Variants in MBD5 observed in about 807,000 individuals in gnomAD.
The protein encoded by MBD5 is methyl-CpG-binding domain protein 5.
Under a neutral mutation model 117.3 loss-of-function variants are expected in MBD5, and 13 were observed. That is an observed-to-expected ratio of 0.11 (90% confidence interval 0.07 to 0.18). The LOEUF (loss-of-function observed/expected upper bound fraction) is 0.18. Among genes scored for constraint, MBD5 ranks in the 10% least tolerant of loss-of-function variants. The pLI, the probability that MBD5 is intolerant of heterozygous loss-of-function variation, is 1.00. For synonymous variants in MBD5, 727 were observed against 766.4 expected, an observed-to-expected ratio of 0.95 and a Z score of 0.85; for missense variants, 1,879 against 2,093.8, an observed-to-expected ratio of 0.90 and a Z score of 2.00.
intron 4 of MBD5, among the ~76,000 whole-genome samples, chr2:148,359,197 G>A (rs1455923550): frequency 2.0e-5 from 3 of 151,296 alleles, no homozygotes; most frequent in Non-Finnish European, 4.4e-5. Flanking sequence ...AACTTGGGAG[G>A]AGGAGGTTGC....
rs116390556 is a variant in MBD5 at position 148,378,385 on chromosome 2, A to G, written c.-557+36049A>G. Among the ~76,000 whole-genome samples, 758 of 152,238 alleles carry G rather than the reference A, an allele frequency of 5.0e-3. 12 individuals carry two copies. The highest frequency in any genetic ancestry group is 0.018 in the African/African-American group (728 of 41,560). ...AAGAGTTTAGGAGCCTGCCTTTCCAAAATTGAAAAGTAATATTTCATTTCC... is the reference window on the plus strand; with the variant it reads ...AAGAGTTTAGGAGCCTGCCTTTCCAGAATTGAAAAGTAATATTTCATTTCC... On this transcript the variant is annotated intron_variant, in intron 4 of 13. Coordinates refer to ENST00000642680, the MANE Select transcript of MBD5 (RefSeq NM_001378120.1).
intron 8 of MBD5, among the ~76,000 whole-genome samples, chr2:148,473,285 T>C (rs1172789579): frequency 1.3e-5 from 2 of 152,116 alleles, no homozygotes; most frequent in Non-Finnish European, 2.9e-5. Flanking sequence ...TTTGGTGACC[T>C]TTCTTTTAAT....
chr2:148,239,019 T>TACACACAC (rs10692364), intron 3 of MBD5, among the ~76,000 whole-genome samples: 1,595 of 149,860 alleles, frequency 0.011, 29 homozygotes, highest in African/African-American at 0.036. Context: ...ATATATTATA[T>TACACACAC]ACACACACAC....
chr2:148,064,226 C>G (rs1036913299), intron 1 of MBD5, among the ~76,000 whole-genome samples: 2 of 150,306 alleles, frequency 1.3e-5, no homozygotes, highest in Non-Finnish European at 3.0e-5. Context: ...CCCGGGTTCA[C>G]GCCATTCTCC....
At chr2:148,044,028 C>T (rs117258905) in intron 1 of MBD5, among the ~76,000 whole-genome samples, 1,709 of 152,202 alleles carry the variant, frequency 0.011, 37 homozygotes, top group East Asian at 0.052. Context: ...AAAATATATG[C>T]AGTTTAACTT....
chr2:148,055,418 C>CTTTTTTTTTTTTTTTT (rs56877252), intron 1 of MBD5: 1 of 140,918 alleles, frequency 7.1e-6, no homozygotes. Flanking sequence ...ATAGGTTTTT[C>CTTTTTTTTTTTTTTTT]TTTTTTTTTT....
At chr2:148,406,693 C>G (rs907032596) in intron 4 of MBD5, among the ~76,000 whole-genome samples, 1 of 152,192 alleles carries the variant, frequency 6.6e-6, no homozygotes, top group African/African-American at 2.4e-5. Context: ...TCATTACACT[C>G]AAGTTACACT....
At chr2:148,187,428 T>C (rs1282781493) in intron 2 of MBD5, among the ~76,000 whole-genome samples, 1 of 151,692 alleles carries the variant, frequency 6.6e-6, no homozygotes, top group Non-Finnish European at 1.5e-5. Context: ...ATGGCCAAAA[T>C]TGTTCCACAT....
At position 148,515,080 on chromosome 2, in the gene MBD5, A is replaced by T. The variant is rs953617748; in HGVS notation, c.*2139A>T. ...TAGTATGTTTAAACCATTAATGTCC[A>T]TTTTTTTTGCACCAACCTGTTTTTC... On this transcript the variant is annotated 3_prime_UTR_variant, in exon 14 of 14. Transcript: ENST00000642680. 1 of 151,474 alleles carries T rather than the reference A, an allele frequency of 6.6e-6. No homozygotes were observed. The highest frequency in any genetic ancestry group is 1.5e-5 in the Non-Finnish European group (1 of 67,846). 9.4% of individuals were successfully genotyped at this position (151,474 alleles called of 1,614,324 possible).
chr2:148,469,618 G>A lies in MBD5; in HGVS notation c.1675G>A (p.Gly559Arg). The change falls in exon 8 of 14, where the codon GGA (glycine) becomes AGA (arginine). Residue 559 changes from glycine (G) to arginine (R), a missense_variant. This residue lies in a region of MBD5 where 1,666 missense variants were observed against 1,792.2 expected (regional missense o/e 0.93). Coordinates refer to ENST00000642680, the MANE Select transcript of MBD5 (RefSeq NM_001378120.1). Reference sequence around the variant, plus strand: ...TGTAAAGAGTCAGCCTGGTTTGCTGGGAATGCCTTTAAATCAGATCTTGAA... The same window carrying A: ...TGTAAAGAGTCAGCCTGGTTTGCTGAGAATGCCTTTAAATCAGATCTTGAA... ...SSVKSQPGLLGMPLNQILNQH... is the reference protein window; with the variant it reads ...SSVKSQPGLLRMPLNQILNQH... 1 of 1,613,934 alleles carries A rather than the reference G, an allele frequency of 6.2e-7. No homozygotes were observed. Among genetic ancestry groups the A allele is most frequent in the Non-Finnish European group, 8.5e-7 (1 of 1,179,898 alleles).
At chr2:148,278,938 G>A (rs754706179) in intron 3 of MBD5, among the ~76,000 whole-genome samples, 1 of 152,230 alleles carries the variant, frequency 6.6e-6, no homozygotes, top group Non-Finnish European at 1.5e-5. Flanking sequence ...CAAGTCAGGA[G>A]AAGGGTGTCA....
intron 1 of MBD5, among the ~76,000 whole-genome samples, chr2:148,083,894 G>A (rs1324502346): frequency 6.6e-6 from 1 of 152,110 alleles, no homozygotes; most frequent in African/African-American, 2.4e-5. Context: ...CCAAAGTGCT[G>A]GGATTACAGG....
chr2:148,078,196 T>C (rs1441155765), intron 1 of MBD5, among the ~76,000 whole-genome samples: 2 of 152,140 alleles, frequency 1.3e-5, no homozygotes, highest in African/African-American at 4.8e-5. Flanking sequence ...TAGAATCAAT[T>C]TCCTTAACAG....
intron 12 of MBD5, among the ~76,000 whole-genome samples, chr2:148,508,165 C>T (rs185077739): frequency 2.0e-5 from 3 of 152,244 alleles, no homozygotes; most frequent in Admixed American, 1.3e-4. Flanking sequence ...GCAGAGTGCT[C>T]CCAGGAGCTT....
intron 2 of MBD5, among the ~76,000 whole-genome samples, chr2:148,210,800 T>A (rs556552614): frequency 2.6e-5 from 4 of 152,288 alleles, no homozygotes; most frequent in African/African-American, 9.6e-5. Flanking sequence ...GAAAGTATGC[T>A]GATTTTTTGT....
At chr2:148,405,972 G>A (rs1705064642) in intron 4 of MBD5, among the ~76,000 whole-genome samples, 1 of 151,668 alleles carries the variant, frequency 6.6e-6, no homozygotes, top group African/African-American at 2.4e-5. Context: ...TATAGCCAGG[G>A]GTAGTTTTGT....
chr2:148,147,250 A>T (rs972755198), intron 1 of MBD5, among the ~76,000 whole-genome samples: 1 of 150,572 alleles, frequency 6.6e-6, no homozygotes, highest in Non-Finnish European at 1.5e-5. Context: ...TATTTATTTT[A>T]TTTTTTTTCT....
intron 4 of MBD5, among the ~76,000 whole-genome samples, chr2:148,364,683 G>T (rs1038990623): frequency 1.3e-5 from 2 of 152,106 alleles, no homozygotes; most frequent in African/African-American, 4.8e-5. Context: ...AAAAGCAGGG[G>T]TTGCAATCCT....
At position 148,489,706 on chromosome 2, in the gene MBD5, C is replaced by T; in HGVS notation, c.4074C>T (p.Ala1358=). Residue 1358 remains alanine, a synonymous_variant, in exon 11 of 14, where the codon GCC becomes GCT. Coordinates refer to ENST00000642680, the MANE Select transcript of MBD5 (RefSeq NM_001378120.1). ...SPIPALSAMS[A]FTASIGDPLN... is the part of the protein sequence containing the mutation. ...TTCCAGCTCTGAGTGCCATGAGTGC[C>T]TTCACTGCCTCAATTGGTGACCCAT... The T allele has an allele frequency of 6.2e-7, 1 of 1,614,182 alleles. No individual in the cohort carries two copies. Among genetic ancestry groups the T allele is most frequent in the Non-Finnish European group, 8.5e-7 (1 of 1,180,036 alleles).
Sources: gnomAD v4.1 joint callset for allele counts (sites outside exome capture counted in the v4.1 genomes callset) on GRCh38, gnomAD v4.1.1 for gene constraint, gnomAD v4.1.1 regional missense constraint, MANE v1.5 for transcripts, NCBI Gene and HGNC (gene_info 2026-07-23, HGNC 2026-07-21) for gene names.